The following WWOX variants were observed in gnomAD, a reference collection of about 807,000 sequenced individuals.
WWOX encodes WW domain containing oxidoreductase.
In WWOX, 69 loss-of-function variants were observed where a neutral mutation model predicts 46.2. The ratio of observed to expected loss-of-function variants is 1.49; its 90% CI spans 1.23 to 1.82. The LOEUF (loss-of-function observed/expected upper bound fraction) is 1.82, where lower values mean the gene tolerates loss of function less well. Ranked by LOEUF, WWOX falls within the 40% of genes most tolerant of loss-of-function variation. The pLI is 0.00. For synonymous variants in WWOX, 359 were observed against 202.6 expected (o/e 1.77, Z -6.56); for missense variants, 919 against 542.6 (o/e 1.69, Z -6.89).
intron 5 of WWOX, among the ~76,000 whole-genome samples, chr16:78,368,330 A>G (rs908190440): frequency 6.6e-6 from 1 of 152,198 alleles, no homozygotes; most frequent in African/African-American, 2.4e-5. Context: ...ACTGGAACAT[A>G]TGGCCCTTAG....
chr16:78,729,209 G>GT (rs1341583268), intron 8 of WWOX, among the ~76,000 whole-genome samples: 3 of 151,938 alleles, frequency 2.0e-5, no homozygotes, highest in African/African-American at 7.2e-5. Flanking sequence ...AGACATCGTG[G>GT]TGCATGCCTG....
At chr16:78,193,672 T>C (rs1238131323) in intron 5 of WWOX, among the ~76,000 whole-genome samples, 1 of 152,186 alleles carries the variant, frequency 6.6e-6, no homozygotes, top group Non-Finnish European at 1.5e-5. Context: ...TGAGAAGGTT[T>C]CAACACCATA....
intron 8 of WWOX, among the ~76,000 whole-genome samples, chr16:78,590,602 C>A (rs961329722): frequency 6.6e-6 from 1 of 152,070 alleles, no homozygotes; most frequent in Non-Finnish European, 1.5e-5. Flanking sequence ...ACCAAGTTCT[C>A]CTGCAGTTTG....
intron 8 of WWOX, among the ~76,000 whole-genome samples, chr16:79,131,067 T>C (rs919311718): frequency 9.9e-5 from 15 of 152,192 alleles, no homozygotes; most frequent in African/African-American, 3.6e-4. Flanking sequence ...TCTCTTTTTT[T>C]GTTTGATTTC....
Position 79,053,505 on chromosome 16 carries a change from T to C in WWOX, c.1057-158103T>C, listed in dbSNP as rs116269235. Among the ~76,000 whole-genome samples, 1,345 of 152,318 alleles carry C rather than the reference T, an allele frequency of 8.8e-3. 15 individuals carry two copies. The highest frequency in any genetic ancestry group is 0.03 in the African/African-American group (1,266 of 41,562). ...AATTTGCACAGTAAGGTAATGTAAA[T>C]GTGTTGCTACGGCTTGACTTTTTGC... is the stretch of plus-strand genomic sequence containing the variant. On this transcript the variant is annotated intron_variant, in intron 8 of 8. Coordinates refer to ENST00000566780, the MANE Select transcript of WWOX (RefSeq NM_016373.4).
intron 8 of WWOX, among the ~76,000 whole-genome samples, chr16:78,999,710 C>T (rs1470851756): frequency 6.6e-6 from 1 of 152,028 alleles, no homozygotes; most frequent in African/African-American, 2.4e-5. Context: ...TAAGAGAGTT[C>T]TTGTGAAAGT....
intron 8 of WWOX, among the ~76,000 whole-genome samples, chr16:79,161,254 C>T (rs2050481096): frequency 6.6e-6 from 1 of 152,122 alleles, no homozygotes; most frequent in Non-Finnish European, 1.5e-5. Flanking sequence ...TCAAATCCTC[C>T]CTCTGTCTTT....
intron 8 of WWOX, among the ~76,000 whole-genome samples, chr16:78,819,126 TTCTC>T (rs1316429644): frequency 6.6e-6 from 1 of 152,214 alleles, no homozygotes; most frequent in South Asian, 2.1e-4. Flanking sequence ...TCTGCACTCT[TTCTC>T]AGTCAGTTGG....
At chr16:78,517,286 T>C (rs1309117617) in intron 8 of WWOX, among the ~76,000 whole-genome samples, 4 of 152,168 alleles carry the variant, frequency 2.6e-5, no homozygotes, top group Non-Finnish European at 5.9e-5. Flanking sequence ...ATGCCTTTTC[T>C]TGCTAAACTA....
At chr16:79,161,041 C>T (rs1323745327) in intron 8 of WWOX, among the ~76,000 whole-genome samples, 1 of 152,176 alleles carries the variant, frequency 6.6e-6, no homozygotes, top group African/African-American at 2.4e-5. Flanking sequence ...CTGACTATGG[C>T]AACACTGCTG....
chr16:78,592,832 T>C (rs2045382737), intron 8 of WWOX, among the ~76,000 whole-genome samples: 1 of 152,174 alleles, frequency 6.6e-6, no homozygotes. Context: ...CTTTGTGACA[T>C]TGCTTCTATC....
chr16:79,211,183 T>A (rs79737342), intron 8 of WWOX, among the ~76,000 whole-genome samples: 9,431 of 152,182 alleles, frequency 0.062, 425 homozygotes, highest in East Asian at 0.23. Context: ...TTAAGAGTGG[T>A]TGGTTTGTCA....
At chr16:78,215,996 A>G (rs1187041571) in intron 5 of WWOX, among the ~76,000 whole-genome samples, 3 of 152,136 alleles carry the variant, frequency 2.0e-5, no homozygotes, top group Admixed American at 2.0e-4. Context: ...CATTTCACAG[A>G]TGAGCCACTA....
chr16:79,169,778 G>GA (rs1567595415), intron 8 of WWOX, among the ~76,000 whole-genome samples: 1 of 152,152 alleles, frequency 6.6e-6, no homozygotes, highest in Admixed American at 6.5e-5. Context: ...TGTCACTCTA[G>GA]GGACTACCCT....
At chr16:78,986,450 A>G (rs894112130) in intron 8 of WWOX, among the ~76,000 whole-genome samples, 18 of 152,146 alleles carry the variant, frequency 1.2e-4, no homozygotes, top group African/African-American at 4.3e-4. Flanking sequence ...CAGTATTCTA[A>G]GTAGGTTGGG....
chr16:78,164,165 C>G lies in WWOX; in HGVS notation c.410-18C>G. On this transcript the variant is annotated intron_variant, in intron 4 of 8. Coordinates refer to ENST00000566780, the MANE Select transcript of WWOX (RefSeq NM_016373.4). Reference sequence around the variant, plus strand: ...TTGATGTTATGTTTTCTAACATTGACTTTCCTTTAAACCATAGGGTTCGAA... The same window carrying G: ...TTGATGTTATGTTTTCTAACATTGAGTTTCCTTTAAACCATAGGGTTCGAA... 6.2e-7 allele frequency: 1 copy of G among 1,610,332 alleles called. No homozygotes were observed. The highest frequency in any genetic ancestry group is 8.5e-7 in the Non-Finnish European group (1 of 1,177,674).
intron 5 of WWOX, among the ~76,000 whole-genome samples, chr16:78,322,749 C>G (rs74382210): frequency 0.02 from 3,017 of 152,296 alleles, 97 homozygotes; most frequent in African/African-American, 0.069. Flanking sequence ...GTATTTTATG[C>G]TTTGCAGTAC....
intron 4 of WWOX, among the ~76,000 whole-genome samples, chr16:78,137,131 C>T (rs2033823043): frequency 6.6e-6 from 1 of 152,166 alleles, no homozygotes; most frequent in East Asian, 1.9e-4. Flanking sequence ...ATGGAGATCC[C>T]TTCACCCAGA....
chr16:78,860,621 A>G (rs748352553), intron 8 of WWOX, among the ~76,000 whole-genome samples: 4 of 152,242 alleles, frequency 2.6e-5, no homozygotes, highest in Non-Finnish European at 4.4e-5. Flanking sequence ...AGGTAAGGCA[A>G]CAAACACAAA....
Sources: gnomAD v4.1 joint callset for allele counts (sites outside exome capture counted in the v4.1 genomes callset) on GRCh38, gnomAD v4.1.1 for gene constraint, MANE v1.5 for transcripts, NCBI Gene and HGNC (gene_info 2026-07-23, HGNC 2026-07-21) for gene names.